Variants in NTM observed in about 807,000 individuals in gnomAD.
NTM encodes IgLON family member 2.
A neutral mutation model predicts 42.1 loss-of-function variants in NTM; 13 were observed. The ratio of observed to expected loss-of-function variants is 0.31; its 90% CI spans 0.20 to 0.49. The LOEUF is 0.49. Among genes scored for constraint, NTM ranks in the 20% least tolerant of loss-of-function variants. NTM has a pLI of 0.99. For missense variants in NTM, 373 were observed against 452.8 expected, an observed-to-expected ratio of 0.82 and a Z score of 1.60; for synonymous variants, 187 against 179.2, an observed-to-expected ratio of 1.04 and a Z score of -0.35.
intron 2 of NTM, among the ~76,000 whole-genome samples, chr11:132,062,822 A>G (rs2080881489): frequency 6.6e-6 from 1 of 152,146 alleles, no homozygotes; most frequent in African/African-American, 2.4e-5. Context: ...CCTTTATTGA[A>G]TAGTAGAAAC....
chr11:131,428,973 C>G (rs534375961), intron 1 of NTM, among the ~76,000 whole-genome samples: 18 of 151,196 alleles, frequency 1.2e-4, no homozygotes, highest in Middle Eastern at 3.5e-3. Context: ...GAGAATTGTT[C>G]GAACCCAGGA....
chr11:132,195,167 G>T (rs1218904680), intron 3 of NTM, among the ~76,000 whole-genome samples: 1 of 151,856 alleles, frequency 6.6e-6, no homozygotes, highest in Admixed American at 6.6e-5. Flanking sequence ...CAAGCTGAGA[G>T]GCAAATCAAA....
chr11:131,623,459 C>T (rs1250642001), intron 1 of NTM, among the ~76,000 whole-genome samples: 5 of 152,218 alleles, frequency 3.3e-5, no homozygotes, highest in Non-Finnish European at 1.5e-5. Flanking sequence ...TGCTGTCCAC[C>T]GAATTCCATT....
intron 4 of NTM, among the ~76,000 whole-genome samples, chr11:132,245,440 G>A (rs1326770690): frequency 6.6e-6 from 1 of 152,150 alleles, no homozygotes; most frequent in African/African-American, 2.4e-5. Context: ...GAGCAGGCCT[G>A]AGGGGAGCGT....
At chr11:132,131,414 A>C (rs929718006) in intron 2 of NTM, among the ~76,000 whole-genome samples, 2 of 152,238 alleles carry the variant, frequency 1.3e-5, no homozygotes, top group African/African-American at 4.8e-5. Context: ...CAAGAGGATT[A>C]TGGAAAGAAA....
chr11:131,814,197 C>T (rs2092854424), intron 1 of NTM, among the ~76,000 whole-genome samples: 1 of 152,182 alleles, frequency 6.6e-6, no homozygotes, highest in Non-Finnish European at 1.5e-5. Flanking sequence ...TACACATGGT[C>T]CCTATTCTCT....
At chr11:131,747,272 A>G (rs1311484586) in intron 1 of NTM, among the ~76,000 whole-genome samples, 1 of 152,192 alleles carries the variant, frequency 6.6e-6, no homozygotes, top group African/African-American at 2.4e-5. Context: ...CAGCTGAATA[A>G]CCCACGAGCA....
intron 3 of NTM, among the ~76,000 whole-genome samples, chr11:132,159,612 A>G (rs1343938844): frequency 6.6e-6 from 1 of 152,168 alleles, no homozygotes; most frequent in Non-Finnish European, 1.5e-5. Flanking sequence ...TGAAAGCAGA[A>G]AGGAGAACAG....
chr11:131,396,413 T>A (rs1045888135), intron 1 of NTM, among the ~76,000 whole-genome samples: 8 of 152,168 alleles, frequency 5.3e-5, no homozygotes, highest in Non-Finnish European at 1.0e-4. Flanking sequence ...GCAGCCTTCA[T>A]CCCCGTGGAT....
intron 1 of NTM, among the ~76,000 whole-genome samples, chr11:131,731,301 A>G (rs1364109477): frequency 6.6e-6 from 1 of 152,204 alleles, no homozygotes; most frequent in African/African-American, 2.4e-5. Flanking sequence ...TAGATCTAAC[A>G]TATGTAGGTC....
chr11:131,678,043 A>T (rs531267236), intron 1 of NTM, among the ~76,000 whole-genome samples: 3 of 152,260 alleles, frequency 2.0e-5, no homozygotes, highest in African/African-American at 7.2e-5. Context: ...TCTCAGCTTT[A>T]TTTATTTACT....
At chr11:131,988,193 A>T (rs1166529767) in intron 2 of NTM, among the ~76,000 whole-genome samples, 1 of 152,176 alleles carries the variant, frequency 6.6e-6, no homozygotes, top group Non-Finnish European at 1.5e-5. Context: ...GGGGTTCCAC[A>T]CTCATTACTT....
chr11:131,426,568 C>T (rs560170234), intron 1 of NTM, among the ~76,000 whole-genome samples: 2 of 152,272 alleles, frequency 1.3e-5, no homozygotes, highest in African/African-American at 4.8e-5. Context: ...TTGGAAAAAA[C>T]AAGCAAACAA....
At chr11:132,037,576 G>C (rs2076663170) in intron 2 of NTM, among the ~76,000 whole-genome samples, 1 of 152,082 alleles carries the variant, frequency 6.6e-6, no homozygotes, top group Non-Finnish European at 1.5e-5. Flanking sequence ...GTATCATTAA[G>C]GCTGAAAAAC....
chr11:132,187,460 G>A (rs1316199536), intron 3 of NTM, among the ~76,000 whole-genome samples: 1 of 152,110 alleles, frequency 6.6e-6, no homozygotes, highest in Non-Finnish European at 1.5e-5. Context: ...TATATTTTAG[G>A]CAGCCTGATA....
chr11:131,655,000 T>C (rs1344875209), intron 1 of NTM, among the ~76,000 whole-genome samples: 2 of 152,128 alleles, frequency 1.3e-5, no homozygotes, highest in South Asian at 2.1e-4. Flanking sequence ...TCGGAAATGC[T>C]GGGCCTGGGG....
Position 131,418,377 on chromosome 11 carries a change from T to C in NTM, c.82+47489T>C, listed in dbSNP as rs540507503. ...TGTCTGCATTTGCAGTGATGCATGCTAGAAGCTATGGTGCAGATCTCTGTC... is the reference window on the plus strand; with the variant it reads ...TGTCTGCATTTGCAGTGATGCATGCCAGAAGCTATGGTGCAGATCTCTGTC... On this transcript the variant is annotated intron_variant, in intron 1 of 8. Transcript: ENST00000683400. Among the ~76,000 whole-genome samples, 3 of 152,332 alleles carry C rather than the reference T, an allele frequency of 2.0e-5. No homozygotes were observed. In the East Asian group the frequency reaches 5.8e-4, roughly 29 times the overall value.
intron 2 of NTM, among the ~76,000 whole-genome samples, chr11:132,055,742 G>A (rs1594176503): frequency 6.6e-6 from 1 of 152,094 alleles, no homozygotes; most frequent in Non-Finnish European, 1.5e-5. Flanking sequence ...GTGGTAGTGT[G>A]CACATAAGAC....
At chr11:132,074,726 G>T (rs2058142861) in intron 2 of NTM, among the ~76,000 whole-genome samples, 1 of 152,152 alleles carries the variant, frequency 6.6e-6, no homozygotes, top group South Asian at 2.1e-4. Context: ...ATACAGTGGA[G>T]AAATTTGTTA....
Sources: gnomAD v4.1 joint callset for allele counts (sites outside exome capture counted in the v4.1 genomes callset) on GRCh38, gnomAD v4.1.1 for gene constraint, MANE v1.5 for transcripts, NCBI Gene and HGNC (gene_info 2026-07-23, HGNC 2026-07-21) for gene names.